Variants in SLC39A11 observed in about 807,000 individuals in gnomAD.
SLC39A11 encodes the protein solute carrier family 39 member 11.
In SLC39A11, 33 loss-of-function variants were observed where a neutral mutation model predicts 36.1. The ratio of observed to expected loss-of-function variants is 0.91; its 90% CI spans 0.69 to 1.22. SLC39A11 has a LOEUF of 1.22. SLC39A11 is among the 50% of genes most tolerant of loss of function. The pLI is 0.00. For synonymous variants in SLC39A11, 166 were observed against 170.3 expected (o/e 0.97, Z 0.20); for missense variants, 432 against 430.3 (o/e 1.00, Z -0.03).
intron 5 of SLC39A11, among the ~76,000 whole-genome samples, chr17:72,868,231 A>G (rs2080410100): frequency 6.6e-6 from 1 of 152,214 alleles, no homozygotes; most frequent in Non-Finnish European, 1.5e-5. Flanking sequence ...TCCCATGCTA[A>G]CTATTCCAGA....
chr17:72,708,960 G>A (rs2073004770), intron 7 of SLC39A11, among the ~76,000 whole-genome samples: 1 of 150,956 alleles, frequency 6.6e-6, no homozygotes, highest in South Asian at 2.1e-4. Context: ...TTTTGAGACG[G>A]AGTCTCGCGC....
chr17:72,804,229 G>A (rs916448687), intron 6 of SLC39A11, among the ~76,000 whole-genome samples: 2 of 152,108 alleles, frequency 1.3e-5, no homozygotes, highest in Non-Finnish European at 2.9e-5. Flanking sequence ...CTATCTTGAT[G>A]CATTTTTATT....
At chr17:72,905,425 A>G (rs1377313972) in intron 5 of SLC39A11, among the ~76,000 whole-genome samples, 4 of 151,604 alleles carry the variant, frequency 2.6e-5, no homozygotes, top group Non-Finnish European at 4.4e-5. Flanking sequence ...GTAAAACCCC[A>G]TCTCTACTAA....
intron 6 of SLC39A11, among the ~76,000 whole-genome samples, chr17:72,774,771 C>G (rs1056067356): frequency 2.6e-5 from 4 of 152,132 alleles, no homozygotes; most frequent in African/African-American, 9.7e-5. Context: ...GTTAGAGCAC[C>G]TCTCATCTGC....
chr17:72,927,665 GT>G (rs1412002575), intron 5 of SLC39A11, among the ~76,000 whole-genome samples: 20 of 152,262 alleles, frequency 1.3e-4, no homozygotes, highest in African/African-American at 4.6e-4. Context: ...TTATTAGTGT[GT>G]GCTTCCAATG....
chr17:73,081,786 T>A (rs1364750565), intron 3 of SLC39A11, among the ~76,000 whole-genome samples: 1 of 150,836 alleles, frequency 6.6e-6, no homozygotes, highest in Non-Finnish European at 1.5e-5. Flanking sequence ...TATCATGGAC[T>A]ACTACTCACC....
At chr17:72,894,547 G>C (rs889597034) in intron 5 of SLC39A11, among the ~76,000 whole-genome samples, 1 of 149,308 alleles carries the variant, frequency 6.7e-6, no homozygotes, top group Admixed American at 6.7e-5. Flanking sequence ...GCACGCACCT[G>C]TATTTCCAGC....
At chr17:73,074,800 C>T (rs2060269823) in intron 3 of SLC39A11, among the ~76,000 whole-genome samples, 1 of 152,188 alleles carries the variant, frequency 6.6e-6, no homozygotes, top group South Asian at 2.1e-4. Flanking sequence ...AAAATCATGT[C>T]TTTCATAAGA....
intron 3 of SLC39A11, among the ~76,000 whole-genome samples, chr17:73,047,985 A>AG: frequency 1.9e-5 from 1 of 53,484 alleles, no homozygotes; most frequent in African/African-American, 6.4e-5. Context: ...AAAAAAAAAA[A>AG]AAAAAATATA....
intron 5 of SLC39A11, among the ~76,000 whole-genome samples, chr17:72,921,418 G>A (rs1358388128): frequency 6.6e-6 from 1 of 152,172 alleles, no homozygotes; most frequent in East Asian, 1.9e-4. Flanking sequence ...CCTAGAAAAT[G>A]AAAACAGCTA....
chr17:72,843,240 C>T (rs1215676169), intron 6 of SLC39A11, among the ~76,000 whole-genome samples: 2 of 152,142 alleles, frequency 1.3e-5, no homozygotes, highest in South Asian at 2.1e-4. Context: ...TGAGCCACCG[C>T]GCCCGGCCTG....
intron 4 of SLC39A11, among the ~76,000 whole-genome samples, chr17:72,952,753 G>C (rs1051855807): frequency 6.6e-6 from 1 of 152,042 alleles, no homozygotes; most frequent in African/African-American, 2.4e-5. Context: ...CTGCAAGGTC[G>C]GCAAAGTGCG....
chr17:73,088,034 G>A (rs559207148), intron 2 of SLC39A11, among the ~76,000 whole-genome samples: 2 of 152,194 alleles, frequency 1.3e-5, no homozygotes, highest in Non-Finnish European at 2.9e-5. Flanking sequence ...GCCAGGCACG[G>A]TGGCTCACAC....
intron 7 of SLC39A11, among the ~76,000 whole-genome samples, chr17:72,683,728 A>C (rs1184467619): frequency 6.6e-6 from 1 of 151,838 alleles, no homozygotes; most frequent in Non-Finnish European, 1.5e-5. Context: ...ATCTCGTAGA[A>C]AACTCTTTAG....
intron 4 of SLC39A11, among the ~76,000 whole-genome samples, chr17:73,006,096 C>T (rs2090163662): frequency 2.0e-5 from 3 of 152,030 alleles, no homozygotes; most frequent in African/African-American, 4.8e-5. Context: ...CGACATGTCC[C>T]GTACAGAAAA....
chr17:72,947,238 T>C (rs117139171), intron 5 of SLC39A11, among the ~76,000 whole-genome samples: 5,771 of 150,382 alleles, frequency 0.038, 174 homozygotes, highest in Admixed American at 0.076. Context: ...CCCTTGAACC[T>C]GAAAGGTGGA....
intron 4 of SLC39A11, among the ~76,000 whole-genome samples, chr17:73,002,819 G>A (rs1208441271): frequency 6.6e-6 from 1 of 152,204 alleles, no homozygotes; most frequent in Non-Finnish European, 1.5e-5. Flanking sequence ...TCCCTCTGGA[G>A]GCTCTAGGGA....
intron 5 of SLC39A11, among the ~76,000 whole-genome samples, chr17:72,916,301 T>G (rs2083328872): frequency 6.6e-6 from 1 of 152,162 alleles, no homozygotes; most frequent in Non-Finnish European, 1.5e-5. Context: ...TAAACCACTA[T>G]TTGATCACCT....
At chr17:72,777,536 G>C (rs1316662286) in intron 6 of SLC39A11, among the ~76,000 whole-genome samples, 1 of 152,088 alleles carries the variant, frequency 6.6e-6, no homozygotes, top group Non-Finnish European at 1.5e-5. Context: ...GATACAGAGG[G>C]GAGAAGTACA....
Sources: gnomAD v4.1 joint callset for allele counts (sites outside exome capture counted in the v4.1 genomes callset) on GRCh38, gnomAD v4.1.1 for gene constraint, MANE v1.5 for transcripts, NCBI Gene and HGNC (gene_info 2026-07-23, HGNC 2026-07-21) for gene names.